The following STAU2 variants were observed in gnomAD, a reference collection of about 807,000 sequenced individuals.
The protein encoded by STAU2 is staufen double-stranded RNA binding protein 2.
STAU2 carries 20 observed loss-of-function variants against 65.9 expected under a neutral mutation model. The ratio of observed to expected loss-of-function variants is 0.30; its 90% CI spans 0.21 to 0.44. STAU2 has a LOEUF of 0.44. Among genes scored for constraint, STAU2 ranks in the 20% least tolerant of loss-of-function variants. The probability of loss-of-function intolerance (pLI) is 1.00; values close to 1 mark genes in which losing one functional copy is unlikely to be tolerated. For synonymous variants in STAU2, 232 were observed against 233.9 expected (o/e 0.99, Z 0.07); for missense variants, 558 against 683.9 (o/e 0.82, Z 2.05).
chr8:73,559,033 T>A (rs1807996646), intron 12 of STAU2, among the ~76,000 whole-genome samples: 1 of 152,162 alleles, frequency 6.6e-6, no homozygotes, highest in African/African-American at 2.4e-5. Context: ...AACAACAGCA[T>A]GATTATCTGT....
intron 13 of STAU2, among the ~76,000 whole-genome samples, chr8:73,441,996 T>C (rs1372139359): frequency 2.6e-5 from 4 of 152,196 alleles, no homozygotes; most frequent in Non-Finnish European, 4.4e-5. Context: ...CGATATCTTC[T>C]TTTAGTTACA....
intron 6 of STAU2, among the ~76,000 whole-genome samples, chr8:73,624,282 T>G (rs981348234): frequency 1.1e-4 from 16 of 152,210 alleles, no homozygotes; most frequent in African/African-American, 3.6e-4. Context: ...TAACTTGTAC[T>G]GTATCACTGA....
intron 13 of STAU2, among the ~76,000 whole-genome samples, chr8:73,479,322 C>A (rs55953252): frequency 6.6e-6 from 1 of 152,018 alleles, no homozygotes; most frequent in African/African-American, 2.4e-5. Context: ...CTGATTATTT[C>A]TGGGTCAACT....
chr8:73,454,886 T>C (rs1343223897), intron 13 of STAU2, among the ~76,000 whole-genome samples: 1 of 152,120 alleles, frequency 6.6e-6, no homozygotes, highest in Non-Finnish European at 1.5e-5. Flanking sequence ...TGGTGCCCAG[T>C]GAGAGCTGCA....
chr8:73,443,027 A>T (rs988333940), intron 13 of STAU2, among the ~76,000 whole-genome samples: 2 of 152,254 alleles, frequency 1.3e-5, no homozygotes, highest in Non-Finnish European at 2.9e-5. Context: ...CGCAACTTCA[A>T]ATCAAAACCT....
At chr8:73,640,955 A>G (rs1366747150) in intron 6 of STAU2, among the ~76,000 whole-genome samples, 1 of 152,204 alleles carries the variant, frequency 6.6e-6, no homozygotes, top group Non-Finnish European at 1.5e-5. Flanking sequence ...AGCCACAAAA[A>G]AGAAGCAATA....
chr8:73,523,301 C>T (rs1419859099), intron 13 of STAU2, among the ~76,000 whole-genome samples: 1 of 151,610 alleles, frequency 6.6e-6, no homozygotes, highest in African/African-American at 2.4e-5. Context: ...TTAGTGCATT[C>T]CAAGGTGGAG....
chr8:73,491,200 C>T (rs149826365), intron 13 of STAU2, among the ~76,000 whole-genome samples: 2 of 152,104 alleles, frequency 1.3e-5, no homozygotes, highest in East Asian at 3.9e-4. Flanking sequence ...ACATTTCATG[C>T]TGAAGTGAAT....
intron 6 of STAU2, among the ~76,000 whole-genome samples, chr8:73,627,208 C>CAG (rs1443258850): frequency 1.3e-3 from 3 of 2,280 alleles, no homozygotes; most frequent in African/African-American, 1.7e-3. Context: ...AGGAATACGG[C>CAG]GGGGGGGGGG....
At chr8:73,697,842 G>A (rs1235894702) in intron 4 of STAU2, among the ~76,000 whole-genome samples, 1 of 152,164 alleles carries the variant, frequency 6.6e-6, no homozygotes, top group Non-Finnish European at 1.5e-5. Flanking sequence ...TACTTTGGGA[G>A]GCCAAGGCAG....
At chr8:73,569,967 C>T (rs9650248) in intron 12 of STAU2, among the ~76,000 whole-genome samples, 141,145 of 152,294 alleles carry the variant, frequency 0.93, 65,429 homozygotes, top group Middle Eastern at 0.96. Context: ...AGAACGACTT[C>T]TACAAGTTGA....
intron 12 of STAU2, among the ~76,000 whole-genome samples, chr8:73,561,207 T>C (rs979959299): frequency 6.6e-6 from 1 of 152,184 alleles, no homozygotes; most frequent in Non-Finnish European, 1.5e-5. Flanking sequence ...TCAGAGTCAG[T>C]GTGGTGCAGG....
intron 13 of STAU2, among the ~76,000 whole-genome samples, chr8:73,424,558 G>A (rs2128878811): frequency 6.6e-6 from 1 of 151,988 alleles, no homozygotes; most frequent in Non-Finnish European, 1.5e-5. Flanking sequence ...CCTTTTTATT[G>A]CTGAATAATG....
chr8:73,488,692 A>AG (rs1423560057), intron 13 of STAU2, among the ~76,000 whole-genome samples: 1 of 151,336 alleles, frequency 6.6e-6, no homozygotes, highest in Non-Finnish European at 1.5e-5. Context: ...AAATCCTTAA[A>AG]AAAAAAAAAA....
At chr8:73,518,509 G>C (rs1354736402) in intron 13 of STAU2, among the ~76,000 whole-genome samples, 1 of 152,158 alleles carries the variant, frequency 6.6e-6, no homozygotes, top group Non-Finnish European at 1.5e-5. Flanking sequence ...CCAAAATAAT[G>C]GTTGTGGCTG....
At chr8:73,746,691 G>A (rs1247552478) in intron 1 of STAU2, 92 bp downstream of exon 1, 15 of 779,552 alleles carry the variant, frequency 1.9e-5, no homozygotes, top group Non-Finnish European at 2.1e-5. Context: ...TCCCCGTGCT[G>A]CGGAACTGCA....
At chr8:73,672,098 G>A (rs1221836104) in intron 6 of STAU2, 1 of 152,054 alleles carries the variant, frequency 6.6e-6, no homozygotes, top group Non-Finnish European at 1.5e-5. Context: ...TGAAAAGAGA[G>A]TGCTTGTTTT....
chr8:73,746,898 C>A, upstream of STAU2: 2 of 1,082,626 alleles, frequency 1.8e-6, no homozygotes, highest in Non-Finnish European at 2.2e-6. Flanking sequence ...CCCGCCTCCG[C>A]CCGCCTCCGC....
At chr8:73,687,348 A>AAATATAATTTATATTTAT (rs1563506860) in intron 5 of STAU2, among the ~76,000 whole-genome samples, 1 of 29,756 alleles carries the variant, frequency 3.4e-5, no homozygotes, top group African/African-American at 9.5e-5. Context: ...TTATATTTAT[A>AAATATAATTTATATTTAT]ATTTATATAA....
Sources: allele counts gnomAD v4.1 joint callset (sites outside exome capture counted in the v4.1 genomes callset), GRCh38; gene constraint gnomAD v4.1.1; transcripts MANE v1.5; gene names NCBI Gene and HGNC (gene_info 2026-07-23, HGNC 2026-07-21).